The following SYNPO2 variants were observed in gnomAD, a reference collection of about 807,000 sequenced individuals.
SYNPO2 encodes synaptopodin-2.
SYNPO2 carries 56 observed loss-of-function variants against 85.0 expected under a neutral mutation model. The observed-to-expected ratio is 0.66, with a 90% CI of 0.53 to 0.82. The LOEUF is 0.82. SYNPO2 is among the 40% of genes least tolerant of loss of function. SYNPO2 has a pLI of 0.00. For synonymous variants in SYNPO2, 602 were observed against 591.1 expected, an observed-to-expected ratio of 1.02 and a Z score of -0.27; for missense variants, 1,575 against 1,534.2, an observed-to-expected ratio of 1.03 and a Z score of -0.44.
chr4:119,053,525 T>C (rs1739116212), intron 4 of SYNPO2, among the ~76,000 whole-genome samples: 1 of 152,214 alleles, frequency 6.6e-6, no homozygotes, highest in Non-Finnish European at 1.5e-5. Flanking sequence ...CATATGCATG[T>C]TTGGCGTGAG....
chr4:118,974,342 G>A (rs1304438496), intron 1 of SYNPO2, among the ~76,000 whole-genome samples: 3 of 152,336 alleles, frequency 2.0e-5, no homozygotes, highest in East Asian at 1.9e-4. Flanking sequence ...TTTCTTGTTT[G>A]TGAATATACA....
rs564271418 is a variant in SYNPO2 at position 118,907,316 on chromosome 4, T to C, written c.105+18175T>C. Among the ~76,000 whole-genome samples, 7 of 152,294 alleles carry C rather than the reference T, an allele frequency of 4.6e-5. No homozygotes were observed. The South Asian group carries it at 1.5e-3, about 32-fold the overall frequency. The stretch of plus-strand genomic sequence containing the variant: ...GATCCAATATGATTTATAGCTTTTA[T>C]GTTTTGTTTGCCTTCCCCCACTAGA... On this transcript the variant is annotated intron_variant, in intron 1 of 4. Coordinates refer to ENST00000307142, the MANE Select transcript of SYNPO2 (RefSeq NM_133477.3).
At chr4:118,990,424 G>C (rs752766585) in intron 1 of SYNPO2, among the ~76,000 whole-genome samples, 6 of 152,058 alleles carry the variant, frequency 3.9e-5, no homozygotes, top group African/African-American at 1.5e-4. Context: ...TATTTATTCC[G>C]CAGATGTTTA....
chr4:119,016,694 G>A (rs12640601), intron 1 of SYNPO2, among the ~76,000 whole-genome samples: 6,889 of 152,286 alleles, frequency 0.045, 382 homozygotes, highest in African/African-American at 0.13. Flanking sequence ...TGCTCTATCA[G>A]TGTTTGCCTG....
chr4:118,938,277 C>T (rs1433258855), intron 1 of SYNPO2, among the ~76,000 whole-genome samples: 1 of 152,060 alleles, frequency 6.6e-6, no homozygotes, highest in Non-Finnish European at 1.5e-5. Flanking sequence ...CTGAGATCGC[C>T]CCACTGTACT....
At chr4:118,851,641 T>C (rs1560793047) in intron 1 of SYNPO2, among the ~76,000 whole-genome samples, 1 of 152,256 alleles carries the variant, frequency 6.6e-6, no homozygotes, top group Non-Finnish European at 1.5e-5. Context: ...AATAATGTCA[T>C]TGCATGTCAA....
chr4:118,965,929 T>TA lies in SYNPO2; in HGVS notation c.106-57501_106-57500insA, dbSNP rs200734085. ...AGGCCCTGTCACTACAAGATTTTTT[T>TA]TAAAAAAAATTAGCTGGATGGAGAC... On this transcript the variant is annotated intron_variant, in intron 1 of 4. Coordinates refer to ENST00000307142, the MANE Select transcript of SYNPO2 (RefSeq NM_133477.3). Among the ~76,000 whole-genome samples the TA allele has an allele frequency of 5.8e-3, 742 of 127,422 alleles. 8 individuals are homozygous for TA. The highest frequency in any genetic ancestry group is 0.018 in the African/African-American group (643 of 35,462). 83.6% of individuals were successfully genotyped at this position (127,422 alleles called of 152,430 possible).
intron 1 of SYNPO2, among the ~76,000 whole-genome samples, chr4:118,915,601 T>C (rs1466425038): frequency 6.6e-6 from 1 of 152,174 alleles, no homozygotes; most frequent in Non-Finnish European, 1.5e-5. Flanking sequence ...TTGATGGGCA[T>C]CTGGGTTGCT....
rs1399238978 is a variant in SYNPO2, at chr4:118,993,485, T to G, written c.106-29945T>G. ...ATTTGATCAAATTGTCAAGTACAGC[T>G]TGTTAATGTGTCTGTGTGAGTTTCA... On this transcript the variant is annotated intron_variant, in intron 1 of 4. Transcript: ENST00000307142. Among the ~76,000 whole-genome samples, 6 of 152,358 alleles carry G rather than the reference T, an allele frequency of 3.9e-5. No individual in the cohort carries two copies. The South Asian group carries it at 1.2e-3, about 32-fold the overall frequency.
intron 4 of SYNPO2, chr4:119,035,855 G>T (rs1353322428): frequency 2.0e-6 from 2 of 982,184 alleles, no homozygotes. Context: ...TACATTGAAA[G>T]GGGGTAGACT....
intron 1 of SYNPO2, among the ~76,000 whole-genome samples, chr4:119,022,775 T>TTTTAG (rs1321413985): frequency 7.3e-6 from 1 of 136,770 alleles, no homozygotes; most frequent in African/African-American, 3.2e-5. Context: ...TTTTATTTTA[T>TTTTAG]TTTATTTTAT....
intron 1 of SYNPO2, among the ~76,000 whole-genome samples, chr4:118,860,388 C>T (rs779717680): frequency 6.6e-6 from 1 of 151,796 alleles, no homozygotes; most frequent in Non-Finnish European, 1.5e-5. Flanking sequence ...GGACTACAGG[C>T]GTGCACCACC....
chr4:119,034,866 A>G, intron 4 of SYNPO2: 1 of 985,414 alleles, frequency 1.0e-6, no homozygotes, highest in African/African-American at 1.7e-5. Flanking sequence ...CATGGGGTAC[A>G]TTTTCAATCT....
At chr4:119,017,080 C>G (rs960826109) in intron 1 of SYNPO2, among the ~76,000 whole-genome samples, 14 of 152,094 alleles carry the variant, frequency 9.2e-5, no homozygotes, top group African/African-American at 3.4e-4. Flanking sequence ...CAAACCAAAA[C>G]CCAACATGAG....
intron 1 of SYNPO2, among the ~76,000 whole-genome samples, chr4:118,975,664 A>G (rs537251268): frequency 6.6e-6 from 1 of 152,338 alleles, no homozygotes; most frequent in South Asian, 2.1e-4. Context: ...AGTAAGACAC[A>G]CAGGGATATA....
chr4:118,889,155 G>C lies in SYNPO2; in HGVS notation c.105+14G>C, dbSNP rs765799723. 6.2e-7 allele frequency: 1 copy of C among 1,612,562 alleles called. No individual in the cohort carries two copies. Among genetic ancestry groups the C allele is most frequent in the South Asian group, 1.1e-5 (1 of 90,852 alleles). On this transcript the variant is annotated intron_variant, in intron 1 of 4. Coordinates refer to ENST00000307142, the MANE Select transcript of SYNPO2 (RefSeq NM_133477.3). ...CAAGTTGCAAAGGTAGGACCTGAACGAAGTGTCACGGCTCTGTGCTAGGAA... is the reference window on the plus strand; with the variant it reads ...CAAGTTGCAAAGGTAGGACCTGAACCAAGTGTCACGGCTCTGTGCTAGGAA...
intron 1 of SYNPO2, among the ~76,000 whole-genome samples, chr4:118,910,302 TC>T (rs1324353050): frequency 6.6e-6 from 1 of 152,216 alleles, no homozygotes; most frequent in Non-Finnish European, 1.5e-5. Flanking sequence ...GAGAATGAGA[TC>T]AGTCAACTTT....
chr4:118,951,286 T>C (rs998554201), intron 1 of SYNPO2, among the ~76,000 whole-genome samples: 2 of 152,148 alleles, frequency 1.3e-5, no homozygotes, highest in Non-Finnish European at 2.9e-5. Flanking sequence ...TGCTGCCTTG[T>C]TGCTGCATCC....
intron 1 of SYNPO2, among the ~76,000 whole-genome samples, chr4:118,866,274 T>A (rs1731698201): frequency 6.6e-6 from 1 of 152,082 alleles, no homozygotes; most frequent in Non-Finnish European, 1.5e-5. Context: ...TAAATCCAAG[T>A]AGGAACGCCC....
Sources: gnomAD v4.1 joint callset for allele counts (sites outside exome capture counted in the v4.1 genomes callset) on GRCh38, gnomAD v4.1.1 for gene constraint, MANE v1.5 for transcripts, NCBI Gene and HGNC (gene_info 2026-07-23, HGNC 2026-07-21) for gene names.